Variants in CCDC85C observed in about 807,000 individuals in gnomAD.
CCDC85C encodes the protein coiled-coil domain containing 85C.
Under a neutral mutation model 38.3 loss-of-function variants are expected in CCDC85C, and 18 were observed. That is an observed-to-expected ratio of 0.47 (90% CI 0.33 to 0.70). CCDC85C has a LOEUF of 0.70. Among genes scored for constraint, CCDC85C ranks in the 30% least tolerant of loss-of-function variants. The pLI, the probability that CCDC85C is intolerant of heterozygous loss-of-function variation, is 0.03. For synonymous variants in CCDC85C, 264 were observed against 293.8 expected, an observed-to-expected ratio of 0.90 and a Z score of 1.04; for missense variants, 566 against 621.2, an observed-to-expected ratio of 0.91 and a Z score of 0.94.
At chr14:99,574,584 G>C (rs759910883) in intron 1 of CCDC85C, among the ~76,000 whole-genome samples, 102 of 152,334 alleles carry the variant, frequency 6.7e-4, no homozygotes, top group African/African-American at 2.4e-3. Flanking sequence ...GTGAGGAGGG[G>C]AGGCAGGGTG....
intron 3 of CCDC85C, among the ~76,000 whole-genome samples, chr14:99,518,376 G>A (rs1215430393): frequency 1.3e-5 from 2 of 152,076 alleles, no homozygotes; most frequent in Non-Finnish European, 1.5e-5. Context: ...GAGGCCCCCC[G>A]AGCCCTGGGG....
At chr14:99,570,991 A>G (rs1394602757) in intron 1 of CCDC85C, among the ~76,000 whole-genome samples, 3 of 152,026 alleles carry the variant, frequency 2.0e-5, no homozygotes, top group African/African-American at 7.3e-5. Context: ...CAGCCAGCAC[A>G]AAGTCAGCCC....
chr14:99,559,363 T>C (rs1299671269), intron 1 of CCDC85C, among the ~76,000 whole-genome samples: 1 of 152,168 alleles, frequency 6.6e-6, no homozygotes, highest in Non-Finnish European at 1.5e-5. Context: ...CCATCACAAA[T>C]GACCATCATA....
rs1261525070 is a variant in CCDC85C at position 99,516,202 on chromosome 14, G to A, written c.1156C>T (p.Arg386Cys). Residue 386 changes from arginine (R) to cysteine (C), a missense_variant, in exon 5 of 6, where the codon CGC becomes TGC. By Grantham distance (180) the Arg-to-Cys change is radical (BLOSUM62 -3). Around this residue, in one of 3 missense-constraint regions of CCDC85C, gnomAD observed 286 missense variants for 276.4 expected, o/e 1.03. Transcript: ENST00000380243. The surrounding 1 kb of genome is among the most constrained non-coding windows in gnomAD (Gnocchi z 5.5). ...DLSEKEKAIV[R>C]EMCNVVWRKL... ...GGAAGCCTCACGTTGCACATCTCGCGAACGATGGCCTTCTCCTTCTCACTC... is the reference window on the plus strand; with the variant it reads ...GGAAGCCTCACGTTGCACATCTCGCAAACGATGGCCTTCTCCTTCTCACTC... The A allele has an allele frequency of 1.7e-5, 26 of 1,551,058 alleles. No homozygotes were observed. Among genetic ancestry groups the A allele is most frequent in the African/African-American group, 2.7e-5 (2 of 73,022 alleles).
chr14:99,501,096 A>G lies in CCDC85C; in HGVS notation c.*14150T>C. On this transcript the variant is annotated 3_prime_UTR_variant, in exon 6 of 6. Coordinates refer to ENST00000380243, the MANE Select transcript of CCDC85C (RefSeq NM_001144995.2). Reference sequence around the variant, plus strand: ...TTGCCAAGTGATGGGAGAGGCAGGAAAATGAGGCAGAATTTTTTAAATGGA... The same window carrying G: ...TTGCCAAGTGATGGGAGAGGCAGGAGAATGAGGCAGAATTTTTTAAATGGA... 1 of 600,042 alleles carries G rather than the reference A, an allele frequency of 1.7e-6. No individual in the cohort carries two copies. The highest frequency in any genetic ancestry group is 2.9e-6 in the Non-Finnish European group (1 of 342,332). 37.2% of individuals were successfully genotyped at this position (600,042 alleles called of 1,614,324 possible).
rs1278286101 is a variant in CCDC85C at position 99,512,384 on chromosome 14, A to AAAT, written c.*2859_*2861dup. ...CAAATACTTTGCCCCACAGTATGAAAAATATACACCTCTACCGCTCTGCAG... is the reference window on the plus strand; with the variant it reads ...CAAATACTTTGCCCCACAGTATGAAAAATAATATACACCTCTACCGCTCTGCAG... On this transcript the variant is annotated 3_prime_UTR_variant, in exon 6 of 6. Coordinates refer to ENST00000380243, the MANE Select transcript of CCDC85C (RefSeq NM_001144995.2). The AAAT allele has an allele frequency of 6.6e-6, 1 of 152,140 alleles. No individual in the cohort carries two copies. Among genetic ancestry groups the AAAT allele is most frequent in the African/African-American group, 2.4e-5 (1 of 41,402 alleles). 9.4% of individuals were successfully genotyped at this position (152,140 alleles called of 1,614,324 possible).
chr14:99,595,114 G>T (rs7160169), intron 1 of CCDC85C, among the ~76,000 whole-genome samples: 149,352 of 152,308 alleles, frequency 0.98, 73,297 homozygotes, highest in Middle Eastern at 1. Flanking sequence ...AGACCCCACC[G>T]GCCCTGGCCT....
rs1448775145 is a variant in CCDC85C, at chr14:99,604,117, G to A, written c.-158C>T. ...GGCGCGTCCTCTCGCCGCGCCCGCCGGGGCCGCCCGGGAGCCCGCGCGCCT... is the reference window on the plus strand; with the variant it reads ...GGCGCGTCCTCTCGCCGCGCCCGCCAGGGCCGCCCGGGAGCCCGCGCGCCT... On this transcript the variant is annotated 5_prime_UTR_variant, in exon 1 of 6. Transcript: ENST00000380243. 2 of 681,716 alleles carry A rather than the reference G, an allele frequency of 2.9e-6. No individual in the cohort carries two copies. The highest frequency in any genetic ancestry group is 1.8e-6 in the Non-Finnish European group (1 of 556,154). The allele number at this position is 681,716 out of a possible 1,614,324, so 42.2% of individuals were successfully genotyped here.
rs759725474 is a variant in CCDC85C, at chr14:99,515,302, A to C, written c.1204T>G (p.Ser402Ala). The C allele has an allele frequency of 6.4e-7, 1 of 1,550,786 alleles. No individual in the cohort carries two copies. The highest frequency in any genetic ancestry group is 1.2e-5 in the South Asian group (1 of 84,060). The stretch of plus-strand genomic sequence containing the variant: ...AGGTGCTGCCGTATGGAGGGCTTGG[A>C]GCTGGCTGCATCTCCCAGCTTTCTC... ...VWRKLGDAAS[S>A]KPSIRQHLSG... Residue 402 changes from serine (S) to alanine (A), a missense_variant, in exon 6 of 6, where the codon TCC (serine) becomes GCC (alanine). Coordinates refer to ENST00000380243, the MANE Select transcript of CCDC85C (RefSeq NM_001144995.2).
intron 1 of CCDC85C, among the ~76,000 whole-genome samples, chr14:99,593,574 C>T (rs2055111049): frequency 6.6e-6 from 1 of 152,246 alleles, no homozygotes; most frequent in Admixed American, 6.5e-5. Context: ...CTCGCCAAAG[C>T]CATCTCTCCG....
chr14:99,584,716 G>C (rs1023387286), intron 1 of CCDC85C, among the ~76,000 whole-genome samples: 10 of 152,206 alleles, frequency 6.6e-5, no homozygotes, highest in Non-Finnish European at 1.3e-4. Context: ...GCCAGAATAA[G>C]TTTTCTTACC....
chr14:99,563,332 G>A (rs886451193), intron 1 of CCDC85C, among the ~76,000 whole-genome samples: 36 of 152,374 alleles, frequency 2.4e-4, no homozygotes, highest in Non-Finnish European at 4.3e-4. Flanking sequence ...GCCAGATGGC[G>A]CGGTGCAGGG....
At chr14:99,546,874 A>G (rs1292893207) in intron 1 of CCDC85C, among the ~76,000 whole-genome samples, 1 of 152,180 alleles carries the variant, frequency 6.6e-6, no homozygotes, top group African/African-American at 2.4e-5. Context: ...GTTCTATGTG[A>G]AAAAACTATT....
intron 1 of CCDC85C, among the ~76,000 whole-genome samples, chr14:99,570,365 T>G (rs895080897): frequency 6.6e-6 from 1 of 151,992 alleles, no homozygotes; most frequent in Non-Finnish European, 1.5e-5. Context: ...GTCAGGATGG[T>G]GGGGGAGGTG....
chr14:99,512,555 A>G lies in CCDC85C; in HGVS notation c.*2691T>C, dbSNP rs1303839820. On this transcript the variant is annotated 3_prime_UTR_variant, in exon 6 of 6. Transcript: ENST00000380243. ...AACTTGGATAAAAAGGTGCCACCCT[A>G]CAAAATGTGCTCAGCATGTTCTGAG... is the stretch of plus-strand genomic sequence containing the variant. The G allele has an allele frequency of 6.6e-6, 1 of 152,184 alleles. No homozygotes were observed. Among genetic ancestry groups the G allele is most frequent in the Non-Finnish European group, 1.5e-5 (1 of 68,030 alleles). 9.4% of individuals were successfully genotyped at this position (152,184 alleles called of 1,614,324 possible). A position where few individuals can be genotyped will look rare whatever the true frequency, so the allele number is the denominator to read the frequency against.
chr14:99,522,098 C>T lies in CCDC85C; in HGVS notation c.975+35G>A. 3 of 1,501,598 alleles carry T rather than the reference C, an allele frequency of 2.0e-6. No individual in the cohort carries two copies. In the African/African-American group the frequency reaches 4.2e-5, roughly 21 times the overall value. 93.0% of individuals were successfully genotyped at this position (1,501,598 alleles called of 1,614,324 possible). On this transcript the variant is annotated intron_variant, in intron 3 of 5. Transcript: ENST00000380243. ...CCCGCCTGAGCCTCAGCCCCTCATC[C>T]AGAACATGTGGGCTTTTTTGGGGTG...
At chr14:99,592,325 G>A (rs1163648073) in intron 1 of CCDC85C, among the ~76,000 whole-genome samples, 1 of 152,164 alleles carries the variant, frequency 6.6e-6, no homozygotes, top group African/African-American at 2.4e-5. Flanking sequence ...AGGAGTGCAG[G>A]GGAGAGAGGA....
Position 99,588,817 on chromosome 14 carries a change from C to A in CCDC85C, c.793+14350G>T, listed in dbSNP as rs2055053929. Among the ~76,000 whole-genome samples, 1 of 152,010 alleles carries A rather than the reference C, an allele frequency of 6.6e-6. No individual in the cohort carries two copies. Among genetic ancestry groups the A allele is most frequent in the Non-Finnish European group, 1.5e-5 (1 of 68,018 alleles). On this transcript the variant is annotated intron_variant, in intron 1 of 5. Coordinates refer to ENST00000380243, the MANE Select transcript of CCDC85C (RefSeq NM_001144995.2). The surrounding 1 kb of genome is among the most constrained non-coding windows in gnomAD (Gnocchi z 5.0). The stretch of plus-strand genomic sequence containing the variant: ...TACTAGATGGAGGGAAGAGGCCAAG[C>A]TAGGAGCAGCCTTGGGCAAGGCTGA...
chr14:99,541,870 A>AT lies in CCDC85C; in HGVS notation c.794-5783dup, dbSNP rs532550219. ...GAGCTGCAGTGACACACAGGGACACATGGTGACACATGGTGACACACAGAG... is the reference window on the plus strand; with the variant it reads ...GAGCTGCAGTGACACACAGGGACACATTGGTGACACATGGTGACACACAGAG... On this transcript the variant is annotated intron_variant, in intron 1 of 5. Coordinates refer to ENST00000380243, the MANE Select transcript of CCDC85C (RefSeq NM_001144995.2). Among the ~76,000 whole-genome samples the AT allele has an allele frequency of 1.1e-3, 163 of 151,388 alleles. 2 individuals carry two copies. Among genetic ancestry groups the AT allele is most frequent in the Middle Eastern group, 0.01 (3 of 294 alleles).
Sources: allele counts gnomAD v4.1 joint callset (sites outside exome capture counted in the v4.1 genomes callset), GRCh38; gene constraint gnomAD v4.1.1; regional missense constraint gnomAD v4.1.1; non-coding constraint Gnocchi (gnomAD v3.1); transcripts MANE v1.5; gene names NCBI Gene and HGNC (gene_info 2026-07-23, HGNC 2026-07-21).